ATP10A: variants seen among roughly 807,000 people sequenced by gnomAD.
ATP10A encodes ATPase phospholipid transporting 10A (putative).
Under a neutral mutation model 147.8 loss-of-function variants are expected in ATP10A, and 111 were observed. That is an observed-to-expected ratio of 0.75 (90% CI 0.64 to 0.88). The LOEUF (loss-of-function observed/expected upper bound fraction) is 0.88. Among genes scored for constraint, ATP10A ranks in the 40% least tolerant of loss-of-function variants. ATP10A has a pLI of 0.00. For missense variants in ATP10A, 1,927 were observed against 1,959.0 expected (o/e 0.98, Z 0.31); for synonymous variants, 875 against 841.6 (o/e 1.04, Z -0.69).
At chr15:25,778,575 A>G (rs1163699138) in intron 2 of ATP10A, among the ~76,000 whole-genome samples, 1 of 151,912 alleles carries the variant, frequency 6.6e-6, no homozygotes, top group African/African-American at 2.4e-5. Flanking sequence ...TTTTGGTGCT[A>G]ATAAAACAAT....
intron 15 of ATP10A, among the ~76,000 whole-genome samples, chr15:25,689,605 C>T (rs1899901614): frequency 6.6e-6 from 1 of 152,212 alleles, no homozygotes. Context: ...AACCCAAGTG[C>T]ATAGGATGGT....
At chr15:25,748,197 C>T (rs1045107570) in intron 2 of ATP10A, among the ~76,000 whole-genome samples, 1 of 152,066 alleles carries the variant, frequency 6.6e-6, no homozygotes, top group Non-Finnish European at 1.5e-5. Context: ...CTCCTGACCT[C>T]GTGATCTGCC....
chr15:25,694,819 C>T lies in ATP10A; in HGVS notation c.3088G>A (p.Gly1030Ser). Residue 1030 changes from glycine (G) to serine (S), a missense_variant and splice_region_variant, in exon 14 of 21, where the codon GGT becomes AGT. Transcript: ENST00000555815. ...SKLKAMTLAI[G>S]DGANDVSMIQ... ...CCGTCTGGCCAGCTGGGATACTTGC[C>T]TATGGCCAGGGTCATGGCCTTGAGC... 1 of 1,602,782 alleles carries T rather than the reference C, an allele frequency of 6.2e-7. No individual in the cohort carries two copies. Among genetic ancestry groups the T allele is most frequent in the Non-Finnish European group, 8.5e-7 (1 of 1,172,150 alleles).
chr15:25,695,131 G>A lies in ATP10A; in HGVS notation c.2776C>T (p.Leu926=), dbSNP rs1900250067. The part of the protein sequence containing the change: ...NATSQEACAA[L]LDQCLCYVQS... ...ACGTAGCATAGGCACTGGTCTAGCAGGGCTGCACACGCCTCCTGAAAGGGA... is the reference window on the plus strand; with the variant it reads ...ACGTAGCATAGGCACTGGTCTAGCAAGGCTGCACACGCCTCCTGAAAGGGA... Residue 926 remains leucine (L), a synonymous_variant, in exon 14 of 21, where the codon CTG becomes TTG. Transcript: ENST00000555815. 1 of 1,611,466 alleles carries A rather than the reference G, an allele frequency of 6.2e-7. No homozygotes were observed. Among genetic ancestry groups the A allele is most frequent in the Non-Finnish European group, 8.5e-7 (1 of 1,178,214 alleles).
chr15:25,729,532 A>C (rs1338194855), intron 3 of ATP10A, among the ~76,000 whole-genome samples: 1 of 152,130 alleles, frequency 6.6e-6, no homozygotes, highest in East Asian at 1.9e-4. Context: ...CAGGCACCGG[A>C]GCAATCTTCG....
At chr15:25,821,290 G>C (rs1891868878) in intron 1 of ATP10A, among the ~76,000 whole-genome samples, 1 of 152,106 alleles carries the variant, frequency 6.6e-6, no homozygotes, top group Non-Finnish European at 1.5e-5. Context: ...TCAGGAAGCT[G>C]AGGTGGGAGG....
chr15:25,775,424 T>C (rs1415512819), intron 2 of ATP10A, among the ~76,000 whole-genome samples: 1 of 152,208 alleles, frequency 6.6e-6, no homozygotes, highest in Admixed American at 6.5e-5. Flanking sequence ...CAGGGACTGG[T>C]CACAGTGTAT....
intron 13 of ATP10A, among the ~76,000 whole-genome samples, chr15:25,696,536 C>T (rs915086159): frequency 2.0e-5 from 3 of 152,326 alleles, no homozygotes; most frequent in Non-Finnish European, 2.9e-5. Flanking sequence ...TTGGGCAGGA[C>T]GCATAGGCTC....
intron 2 of ATP10A, among the ~76,000 whole-genome samples, chr15:25,773,933 C>A (rs1426555424): frequency 1.3e-5 from 2 of 152,090 alleles, no homozygotes; most frequent in Non-Finnish European, 2.9e-5. Context: ...GTAAGGAAAT[C>A]CCTGCTCCAG....
At position 25,695,107 on chromosome 15, in the gene ATP10A, C is replaced by A. The variant is rs145756944; in HGVS notation, c.2800G>T (p.Val934Leu). ...GCTCTCTGGAGGCCTCTGGACTGCA[C>A]GTAGCATAGGCACTGGTCTAGCAGG... ...AALLDQCLCYVQSRGLQRAPE... is the reference protein window; with the variant it reads ...AALLDQCLCYLQSRGLQRAPE... Residue 934 changes from valine to leucine, a missense_variant, in exon 14 of 21, where the codon GTG becomes TTG. Transcript: ENST00000555815. 2 of 1,614,040 alleles carry A rather than the reference C, an allele frequency of 1.2e-6. No individual in the cohort carries two copies. The highest frequency in any genetic ancestry group is 8.5e-7 in the Non-Finnish European group (1 of 1,179,978).
chr15:25,856,502 A>T (rs1439795703), intron 1 of ATP10A, among the ~76,000 whole-genome samples: 1 of 152,210 alleles, frequency 6.6e-6, no homozygotes, highest in East Asian at 1.9e-4. Context: ...GATGTTAGTG[A>T]TCCAATATCA....
chr15:25,714,306 G>A (rs1159842087), intron 9 of ATP10A, 65 bp from the exon 10 acceptor site: 3 of 1,485,196 alleles, frequency 2.0e-6, no homozygotes, highest in African/African-American at 1.4e-5. Flanking sequence ...CCCCACCCTG[G>A]TTCCCACAGG....
intron 1 of ATP10A, among the ~76,000 whole-genome samples, chr15:25,832,783 T>C (rs1892416623): frequency 6.6e-6 from 1 of 151,992 alleles, no homozygotes; most frequent in African/African-American, 2.4e-5. Flanking sequence ...TTAACAGTAA[T>C]TTAGTGTGTA....
intron 7 of ATP10A, 110 bp downstream of exon 7, chr15:25,721,543 CGTGT>C (rs59037981): frequency 0.2 from 145,237 of 732,870 alleles, 373 homozygotes; most frequent in Middle Eastern, 0.23. Context: ...ATCCCTGAAG[CGTGT>C]GTGTGTGTGT....
chr15:25,851,091 A>G (rs1475266130), intron 1 of ATP10A, among the ~76,000 whole-genome samples: 1 of 152,022 alleles, frequency 6.6e-6, no homozygotes, highest in Non-Finnish European at 1.5e-5. Flanking sequence ...AGCCTTGTCA[A>G]GTCTGGCCTG....
intron 1 of ATP10A, among the ~76,000 whole-genome samples, chr15:25,843,272 A>G (rs1315929886): frequency 9.7e-6 from 1 of 103,084 alleles, no homozygotes; most frequent in South Asian, 3.5e-4. Flanking sequence ...CACTCCACCT[A>G]TCACCACCCA....
intron 1 of ATP10A, among the ~76,000 whole-genome samples, chr15:25,836,093 A>G (rs1393896925): frequency 1.3e-5 from 2 of 152,160 alleles, no homozygotes; most frequent in Non-Finnish European, 2.9e-5. Context: ...GATTACAGGC[A>G]TGAGCCAAAG....
chr15:25,847,507 T>C (rs940577337), intron 1 of ATP10A, among the ~76,000 whole-genome samples: 36 of 151,954 alleles, frequency 2.4e-4, no homozygotes, highest in Admixed American at 3.3e-4. Flanking sequence ...AGCACCTTTT[T>C]TCCACCGTAT....
chr15:25,690,735 TCCCCTTGTGCAA>T (rs2140307500), intron 15 of ATP10A, among the ~76,000 whole-genome samples: 1 of 152,296 alleles, frequency 6.6e-6, no homozygotes, highest in African/African-American at 2.4e-5. Context: ...TTCTTGAGCT[TCCCCTTGTGCAA>T]GGTGCCACAC....
Sources: allele counts gnomAD v4.1 joint callset (sites outside exome capture counted in the v4.1 genomes callset), GRCh38; gene constraint gnomAD v4.1.1; transcripts MANE v1.5; gene names NCBI Gene and HGNC (gene_info 2026-07-23, HGNC 2026-07-21).